NBAS: variants seen among roughly 807,000 people sequenced by gnomAD.
NBAS encodes the protein NBAS subunit of NRZ tethering complex.
A neutral mutation model predicts 302.5 loss-of-function variants in NBAS; 219 were observed. The ratio of observed to expected loss-of-function variants is 0.72; its 90% CI spans 0.65 to 0.81. The LOEUF is 0.81. NBAS is among the 30% of genes least tolerant of loss of function. The probability of loss-of-function intolerance (pLI) is 0.00; values close to 1 mark genes in which losing one functional copy is unlikely to be tolerated. For synonymous variants in NBAS, 1,118 were observed against 1,021.6 expected, an observed-to-expected ratio of 1.09 and a Z score of -1.80; for missense variants, 2,932 against 2,841.6, an observed-to-expected ratio of 1.03 and a Z score of -0.72.
intron 28 of NBAS, among the ~76,000 whole-genome samples, chr2:15,385,740 C>G (rs925564360): frequency 3.3e-5 from 5 of 152,208 alleles, no homozygotes; most frequent in Middle Eastern, 3.4e-3. Context: ...GAAGGTCAAG[C>G]CATGGAAATA....
rs148322601 is a variant in NBAS at position 15,516,319 on chromosome 2, TGCTCATCAA to T, written c.747-4978_747-4970del. On this transcript the variant is annotated intron_variant, in intron 9 of 51. Transcript: ENST00000281513. The stretch of plus-strand genomic sequence containing the variant: ...TTCTAAGAAGAGCCAACTCAGTTCA[TGCTCATCAA>T]GCTTTCACTTATGAGCTGGGCTTTG... Among the ~76,000 whole-genome samples, 586 of 152,328 alleles carry T rather than the reference TGCTCATCAA, an allele frequency of 3.8e-3. 5 individuals carry two copies. Among genetic ancestry groups the T allele is most frequent in the African/African-American group, 0.013 (546 of 41,568 alleles).
chr2:14,994,176 A>T, the NBAS span, among the ~76,000 whole-genome samples: 3 of 152,200 alleles, frequency 2.0e-5, no homozygotes, highest in Non-Finnish European at 4.4e-5. Context: ...CATTCATAAC[A>T]TGTGCTCAAT....
chr2:15,504,107 T>G (rs763302657), intron 11 of NBAS, 38 bp downstream of exon 11: 1 of 1,553,930 alleles, frequency 6.4e-7, no homozygotes, highest in East Asian at 2.2e-5. Context: ...GGTAAAAATG[T>G]TTGAGAAGCC....
intron 44 of NBAS, among the ~76,000 whole-genome samples, chr2:15,243,882 G>A (rs1351034387): frequency 2.0e-5 from 3 of 152,082 alleles, no homozygotes; most frequent in Non-Finnish European, 4.4e-5. Context: ...GAGATAAGAC[G>A]GAGAAATCCT....
chr2:15,088,637 G>T, the NBAS span, among the ~76,000 whole-genome samples: 10 of 152,156 alleles, frequency 6.6e-5, no homozygotes, highest in African/African-American at 2.2e-4. Context: ...GGGACCCAGC[G>T]ATTTCCTCTG....
At chr2:15,546,006 T>C (rs1664089757) in intron 6 of NBAS, among the ~76,000 whole-genome samples, 1 of 152,218 alleles carries the variant, frequency 6.6e-6, no homozygotes, top group Non-Finnish European at 1.5e-5. Context: ...TCCTGGATTG[T>C]CTGGATAGCT....
intron 41 of NBAS, 75 bp from the exon 42 acceptor site, chr2:15,287,258 A>C: frequency 5.7e-5 from 63 of 1,100,830 alleles, no homozygotes; most frequent in Middle Eastern, 2.0e-4. Context: ...GAAAATGCTC[A>C]TTAGGACTGC....
At chr2:15,546,449 T>C (rs576878562) in intron 6 of NBAS, among the ~76,000 whole-genome samples, 1 of 152,146 alleles carries the variant, frequency 6.6e-6, no homozygotes, top group African/African-American at 2.4e-5. Flanking sequence ...GGTGTTTCAG[T>C]CGGGCATGGT....
intron 45 of NBAS, among the ~76,000 whole-genome samples, chr2:15,235,482 A>G (rs1277304450): frequency 6.6e-6 from 1 of 152,224 alleles, no homozygotes; most frequent in East Asian, 1.9e-4. Flanking sequence ...TAATGATAAT[A>G]ACAGTTTCCA....
chr2:15,549,081 T>G (rs1378282402), intron 6 of NBAS, among the ~76,000 whole-genome samples: 1 of 152,202 alleles, frequency 6.6e-6, no homozygotes, highest in Non-Finnish European at 1.5e-5. Context: ...CTCCTAAGTA[T>G]TCATGATGTG....
chr2:15,250,656 A>G (rs1668320857), intron 44 of NBAS, among the ~76,000 whole-genome samples: 1 of 152,248 alleles, frequency 6.6e-6, no homozygotes, highest in Non-Finnish European at 1.5e-5. Context: ...AAAGGATATG[A>G]ACAGACACAT....
chr2:15,161,038 A>C, the NBAS span, among the ~76,000 whole-genome samples: 2 of 152,192 alleles, frequency 1.3e-5, no homozygotes, highest in Non-Finnish European at 2.9e-5. Flanking sequence ...ATGGTCATGG[A>C]GACTATTAGC....
At chr2:15,179,994 G>A (rs542858965) in intron 50 of NBAS, 21 of 152,174 alleles carry the variant, frequency 1.4e-4, no homozygotes, top group Admixed American at 3.3e-4. Flanking sequence ...AAAACCAGAC[G>A]ATGAATGACT....
At chr2:15,341,373 G>A (rs563086150) in intron 35 of NBAS, among the ~76,000 whole-genome samples, 6 of 150,798 alleles carry the variant, frequency 4.0e-5, no homozygotes, top group African/African-American at 2.4e-5. Context: ...GCAACAGAGC[G>A]AGACACTATC....
chr2:15,341,653 T>C (rs545310171), intron 35 of NBAS, among the ~76,000 whole-genome samples: 1 of 152,034 alleles, frequency 6.6e-6, no homozygotes, highest in South Asian at 2.1e-4. Context: ...AACAGCGGGA[T>C]AGAAGAAAGA....
At chr2:15,207,866 C>A (rs946887513) in intron 48 of NBAS, among the ~76,000 whole-genome samples, 1 of 151,646 alleles carries the variant, frequency 6.6e-6, no homozygotes, top group Non-Finnish European at 1.5e-5. Flanking sequence ...TTCTTTACAG[C>A]CGTGTGAAAA....
At chr2:15,554,460 T>C (rs563774898) in intron 3 of NBAS, among the ~76,000 whole-genome samples, 2 of 151,786 alleles carry the variant, frequency 1.3e-5, no homozygotes, top group South Asian at 2.1e-4. Context: ...ACCTAGGAAC[T>C]CTGGCTCAAC....
At chr2:14,779,842 G>A in the NBAS span, among the ~76,000 whole-genome samples, 1 of 152,134 alleles carries the variant, frequency 6.6e-6, no homozygotes, top group Admixed American at 6.5e-5. Flanking sequence ...GTATACAGTA[G>A]GATATTTTAA....
chr2:15,367,388 G>A (rs921348949), intron 31 of NBAS, among the ~76,000 whole-genome samples: 1 of 152,064 alleles, frequency 6.6e-6, no homozygotes, highest in African/African-American at 2.4e-5. Flanking sequence ...CAGGGAGGCT[G>A]GCCCCCAATA....
Sources: gnomAD v4.1 joint callset for allele counts (sites outside exome capture counted in the v4.1 genomes callset) on GRCh38, gnomAD v4.1.1 for gene constraint, MANE v1.5 for transcripts, NCBI Gene and HGNC (gene_info 2026-07-23, HGNC 2026-07-21) for gene names.